The following DDX55 variants were observed in gnomAD, a reference collection of about 807,000 sequenced individuals.
DDX55 encodes the protein ATP-dependent RNA helicase DDX55.
Under a neutral mutation model 69.2 loss-of-function variants are expected in DDX55, and 56 were observed. The observed-to-expected ratio is 0.81, with a 90% CI of 0.65 to 1.01. The LOEUF is 1.01. DDX55 is among the 50% of genes least tolerant of loss of function. The pLI is 0.00. For missense variants in DDX55, 720 were observed against 745.1 expected, an observed-to-expected ratio of 0.97 and a Z score of 0.39; for synonymous variants, 268 against 273.1, an observed-to-expected ratio of 0.98 and a Z score of 0.18.
chr12:123,602,335 G>A (rs1953614599), intron 1 of DDX55, 79 bp downstream of exon 1: 2 of 1,323,410 alleles, frequency 1.5e-6, no homozygotes, highest in Non-Finnish European at 1.0e-6. Context: ...GGAGGTGATC[G>A]GACAGATCTG....
chr12:123,617,771 C>G lies in DDX55; in HGVS notation c.1063C>G (p.Arg355Gly). The G allele has an allele frequency of 1.2e-6, 2 of 1,612,276 alleles. No individual in the cohort carries two copies. The highest frequency in any genetic ancestry group is 1.7e-6 in the Non-Finnish European group (2 of 1,179,386). ...PPSNASAFVH[R>G]CGRTARIGHG... ...GTGTTCTCACAGTGCCTTCGTGCAT[C>G]GCTGCGGTCGCACAGCTCGCATTGG... is the stretch of plus-strand genomic sequence containing the variant. The change falls in exon 11 of 14, where the codon CGC becomes GGC. Residue 355 changes from arginine (R) to glycine (G), a missense_variant. Transcript: ENST00000238146.
intron 9 of DDX55, among the ~76,000 whole-genome samples, chr12:123,615,550 G>T (rs1269845517): frequency 6.6e-6 from 1 of 152,188 alleles, no homozygotes; most frequent in Non-Finnish European, 1.5e-5. Flanking sequence ...GAACTTCTGT[G>T]CTAGACAGCA....
At chr12:123,616,750 A>C in intron 10 of DDX55, 147 bp downstream of exon 10, 1 of 804,366 alleles carries the variant, frequency 1.2e-6, no homozygotes, top group Non-Finnish European at 2.1e-6. Flanking sequence ...GACCCCGTGG[A>C]TTCCTACAGG....
chr12:123,614,640 C>G (rs1230695215), intron 8 of DDX55, among the ~76,000 whole-genome samples: 1 of 152,120 alleles, frequency 6.6e-6, no homozygotes, highest in Non-Finnish European at 1.5e-5. Flanking sequence ...CTCTTTAGGG[C>G]ATATCTTTAT....
intron 3 of DDX55, 81 bp downstream of exon 3, chr12:123,606,240 A>T (rs997078609): frequency 5.2e-6 from 8 of 1,536,604 alleles, no homozygotes; most frequent in Non-Finnish European, 7.0e-6. Flanking sequence ...ACAAATGTGA[A>T]AAAATAGGCC....
chr12:123,603,778 C>CT (rs199529826), intron 1 of DDX55, among the ~76,000 whole-genome samples: 1,796 of 151,548 alleles, frequency 0.012, 36 homozygotes, highest in Admixed American at 0.049. Flanking sequence ...GTCAAGAGTT[C>CT]TTTTTTTTGT....
In DDX55 at chr12:123,615,332, T is replaced by A. The variant is rs1954574351; in HGVS notation, c.956+16T>A. 4 of 1,612,612 alleles carry A rather than the reference T, an allele frequency of 2.5e-6. No homozygotes were observed. In the South Asian group the frequency reaches 4.4e-5, roughly 18 times the overall value. On this transcript the variant is annotated intron_variant, in intron 9 of 13. Coordinates refer to ENST00000238146, the MANE Select transcript of DDX55 (RefSeq NM_020936.3). The stretch of plus-strand genomic sequence containing the variant: ...AATTGCAAAGGTGGGTGGGCTTCAT[T>A]GAAGGTAGCAGCTCTCCTGCCACAC...
rs1954906865 is a variant in DDX55, at chr12:123,618,819, C to G, written c.1315C>G (p.Leu439Val). The change falls in exon 12 of 14, where the codon CTG (leucine) becomes GTG (valine). Residue 439 changes from leucine (L) to valine (V), a missense_variant. Transcript: ENST00000238146. ...VQAYAKHECN[L>V]IFRLKDLDFA... Reference sequence around the variant, plus strand: ...AGCTTATGCAAAGCATGAATGCAACCTGATTTTCAGATTAAAGGGTAAGTT... The same window carrying G: ...AGCTTATGCAAAGCATGAATGCAACGTGATTTTCAGATTAAAGGGTAAGTT... The G allele has an allele frequency of 1.9e-6, 3 of 1,613,978 alleles. No individual in the cohort carries two copies. Among genetic ancestry groups the G allele is most frequent in the Non-Finnish European group, 1.7e-6 (2 of 1,179,934 alleles).
chr12:123,607,643 G>C lies in DDX55; in HGVS notation c.382G>C (p.Glu128Gln), dbSNP rs1361497226. ...AGGCAGGAATCCTGGAGAAGATGTT[G>C]AGAGGTTTAAGCAACAAGGGTGAGT... is the stretch of plus-strand genomic sequence containing the variant. The part of the protein sequence containing the change: ...IGGRNPGEDV[E>Q]RFKQQGGNII... The change falls in exon 5 of 14, where the codon GAG (glutamate) becomes CAG (glutamine). Residue 128 changes from glutamate (E) to glutamine (Q), a missense_variant. Coordinates refer to ENST00000238146, the MANE Select transcript of DDX55 (RefSeq NM_020936.3). The C allele has an allele frequency of 6.2e-7, 1 of 1,614,044 alleles. No homozygotes were observed. The highest frequency in any genetic ancestry group is 1.7e-5 in the Admixed American group (1 of 59,980).
chr12:123,619,914 A>G, intron 13 of DDX55, 50 bp from the exon 14 acceptor site: 2 of 1,574,066 alleles, frequency 1.3e-6, no homozygotes, highest in Non-Finnish European at 1.7e-6. Flanking sequence ...GTTTCACTAC[A>G]ACACTATTGC....
Position 123,614,400 on chromosome 12 carries a change from G to A in DDX55, c.825-785G>A, listed in dbSNP as rs1048736628. Among the ~76,000 whole-genome samples the A allele has an allele frequency of 3.3e-5, 5 of 152,186 alleles. No individual in the cohort carries two copies. The East Asian group carries it at 7.7e-4, about 23-fold the overall frequency. The stretch of plus-strand genomic sequence containing the variant: ...GTGCAGTAGTCTGGTCTAGTGGGAG[G>A]AGCATTAGACCTGGGTTCTGGTTCT... On this transcript the variant is annotated intron_variant, in intron 8 of 13. Transcript: ENST00000238146.
At chr12:123,617,263 C>T (rs1024846292) in intron 10 of DDX55, among the ~76,000 whole-genome samples, 1 of 152,208 alleles carries the variant, frequency 6.6e-6, no homozygotes, top group African/African-American at 2.4e-5. Context: ...ATTATCAGTT[C>T]TTGCAGAAAC....
intron 5 of DDX55, chr12:123,608,338 C>T (rs1954014048): frequency 5.1e-6 from 1 of 196,226 alleles, no homozygotes; most frequent in Non-Finnish European, 1.1e-5. Flanking sequence ...ATCGCACTTA[C>T]TCAACTGCTG....
At chr12:123,619,261 G>A (rs35867744) in intron 12 of DDX55, among the ~76,000 whole-genome samples, 171 bp from the exon 13 acceptor site, 45,398 of 152,070 alleles carry the variant, frequency 0.3, 7,490 homozygotes, top group African/African-American at 0.42. Context: ...CCTCGGCCTC[G>A]CAAAGTGCTG....
Position 123,615,187 on chromosome 12 carries a change from C to A in DDX55, c.827C>A (p.Thr276Asn), listed in dbSNP as rs769381487. ...TAAGCCCTCTGTCCCTCTTGCAGCA[C>A]CTGTGCCTGTGTGGAATACTATGGG... is the stretch of plus-strand genomic sequence containing the variant. The part of the protein sequence containing the change: ...KQEKHLVFFS[T>N]CACVEYYGKA... Residue 276 changes from threonine (T) to asparagine (N), a missense_variant and splice_region_variant, in exon 9 of 14, where the codon ACC (threonine) becomes AAC (asparagine). Physicochemically the swap from Thr to Asn is moderately conservative, Grantham distance 65. Transcript: ENST00000238146. 11 of 1,613,968 alleles carry A rather than the reference C, an allele frequency of 6.8e-6. No individual in the cohort carries two copies. Among genetic ancestry groups the A allele is most frequent in the Non-Finnish European group, 8.5e-6 (10 of 1,179,924 alleles).
chr12:123,612,254 C>T (rs1161014055), intron 7 of DDX55, among the ~76,000 whole-genome samples: 2 of 152,102 alleles, frequency 1.3e-5, no homozygotes. Flanking sequence ...TCCTAAGGAC[C>T]TTGGATGAGG....
Position 123,618,625 on chromosome 12 carries a change from T to C in DDX55, c.1165-44T>C, listed in dbSNP as rs555624392. The C allele has an allele frequency of 6.3e-6, 10 of 1,592,464 alleles. No individual in the cohort carries two copies. In the Admixed American group the frequency reaches 7.0e-5, roughly 11 times the overall value. ...GTGATGGGGAGCCCTGGGGATATGA[T>C]GCCAGCCAGGGAAGGTGAGAATGTG... On this transcript the variant is annotated intron_variant, in intron 11 of 13. Coordinates refer to ENST00000238146, the MANE Select transcript of DDX55 (RefSeq NM_020936.3).
chr12:123,605,432 C>A, intron 1 of DDX55: 1 of 235,348 alleles, frequency 4.2e-6, no homozygotes, highest in African/African-American at 2.3e-5. Flanking sequence ...AATAATATTA[C>A]ACCTGCTGTG....
At chr12:123,613,101 A>ACT in intron 7 of DDX55, 69 bp from the exon 8 acceptor site, 1 of 1,531,948 alleles carries the variant, frequency 6.5e-7, no homozygotes, top group Non-Finnish European at 9.0e-7. Context: ...TAATGCTGAA[A>ACT]CTGAAAATAG....
Sources: allele counts gnomAD v4.1 joint callset (sites outside exome capture counted in the v4.1 genomes callset), GRCh38; gene constraint gnomAD v4.1.1; transcripts MANE v1.5; gene names NCBI Gene and HGNC (gene_info 2026-07-23, HGNC 2026-07-21).